The following GUCA1B variants were observed in gnomAD, a reference collection of about 807,000 sequenced individuals.
GUCA1B encodes guanylyl cyclase-activating protein 2.
GUCA1B carries 22 observed loss-of-function variants against 24.2 expected under a neutral mutation model. That is an observed-to-expected ratio of 0.91 (90% CI 0.65 to 1.30). The LOEUF is 1.30. Among genes scored for constraint, GUCA1B ranks in the 50% most tolerant of loss-of-function variants. GUCA1B has a pLI of 0.00. For missense variants in GUCA1B, 221 were observed against 258.8 expected, an observed-to-expected ratio of 0.85 and a Z score of 1.00; for synonymous variants, 100 against 97.9, an observed-to-expected ratio of 1.02 and a Z score of -0.13.
chr6:42,194,391 A>G (rs1188059934), intron 1 of GUCA1B, among the ~76,000 whole-genome samples: 1 of 152,152 alleles, frequency 6.6e-6, no homozygotes, highest in Non-Finnish European at 1.5e-5. Flanking sequence ...CAGCTAAGAG[A>G]TGGAGGGAGG....
chr6:42,185,933 T>C, intron 2 of GUCA1B, 136 bp from the exon 3 acceptor site: 1 of 711,510 alleles, frequency 1.4e-6, no homozygotes. Context: ...ATAATCTGGA[T>C]CCAGATCAAA....
At chr6:42,193,627 G>A (rs1233553873) in intron 1 of GUCA1B, among the ~76,000 whole-genome samples, 1 of 152,196 alleles carries the variant, frequency 6.6e-6, no homozygotes, top group Admixed American at 6.5e-5. Context: ...GGTGGTCGAT[G>A]GGGTTCATCT....
chr6:42,183,609 G>A lies in GUCA1B; in HGVS notation c.*1206C>T, dbSNP rs1264602033. 1.3e-5 allele frequency among the ~76,000 whole-genome samples: 2 copies of A among 152,180 alleles called. No homozygotes were observed. Among genetic ancestry groups the A allele is most frequent in the African/African-American group, 4.8e-5 (2 of 41,466 alleles). ...CCTAGTCCGACCTGCTCACTGTGCTGCCAAGACATAACCAAGGTTAGGGAG... is the reference window on the plus strand; with the variant it reads ...CCTAGTCCGACCTGCTCACTGTGCTACCAAGACATAACCAAGGTTAGGGAG... On this transcript the variant is annotated 3_prime_UTR_variant, in exon 4 of 4. Transcript: ENST00000230361.
chr6:42,187,953 C>G (rs768559968), intron 2 of GUCA1B, among the ~76,000 whole-genome samples: 2 of 152,006 alleles, frequency 1.3e-5, no homozygotes, highest in Non-Finnish European at 2.9e-5. Flanking sequence ...TCAAACAATC[C>G]TCCCACCTCA....
chr6:42,191,265 T>G (rs549271030), intron 1 of GUCA1B, among the ~76,000 whole-genome samples: 25 of 152,260 alleles, frequency 1.6e-4, no homozygotes, highest in Admixed American at 8.5e-4. Flanking sequence ...ACCCTCCCCT[T>G]TCTTCCATTC....
At chr6:42,193,382 T>A (rs76548529) in intron 1 of GUCA1B, among the ~76,000 whole-genome samples, 9 of 101,788 alleles carry the variant, frequency 8.8e-5, no homozygotes, top group Non-Finnish European at 1.2e-4. Context: ...TCTTACATTT[T>A]AAAAAAACAT....
chr6:42,188,380 G>T (rs1768234475), intron 2 of GUCA1B, among the ~76,000 whole-genome samples: 2 of 151,322 alleles, frequency 1.3e-5, no homozygotes, highest in Admixed American at 1.3e-4. Flanking sequence ...AAACAGATGG[G>T]GATTTTCTAA....
intron 1 of GUCA1B, among the ~76,000 whole-genome samples, chr6:42,192,932 T>C (rs1282315759): frequency 2.6e-5 from 4 of 152,098 alleles, no homozygotes; most frequent in African/African-American, 7.2e-5. Flanking sequence ...ACGGGCATGA[T>C]ATCTATAGCT....
Position 42,185,746 on chromosome 6 carries a change from C to T in GUCA1B, c.409G>A (p.Gly137Ser). 1 of 1,613,636 alleles carries T rather than the reference C, an allele frequency of 6.2e-7. No individual in the cohort carries two copies. Among genetic ancestry groups the T allele is most frequent in the Non-Finnish European group, 8.5e-7 (1 of 1,179,648 alleles). The change falls in exon 3 of 4, where the codon GGC becomes AGC. Residue 137 changes from glycine (G) to serine (S), a missense_variant. Transcript: ENST00000230361. ...ACRRELQTEQ[G>S]QLLTPEEVVD... ...ACCTCCTCGGGTGTGAGCAGCTGGC[C>T]TTGCTCAGTTTGTAGCTCTCGCCGG... is the stretch of plus-strand genomic sequence containing the variant.
chr6:42,188,546 T>G, intron 2 of GUCA1B, 36 bp downstream of exon 2: 1 of 1,609,922 alleles, frequency 6.2e-7, no homozygotes, highest in Non-Finnish European at 8.5e-7. Flanking sequence ...AGTGCTCTAG[T>G]GCCCAGGCTG....
At position 42,188,597 on chromosome 6, in the gene GUCA1B, T is replaced by C. The variant is rs781590373; in HGVS notation, c.342A>G (p.Leu114=). ...DGNGCIDRLE[L]LNIVEGIYQL... is the part of the protein sequence containing the mutation. The stretch of plus-strand genomic sequence containing the variant: ...AGACACTAACCTCCACAATGTTGAG[T>C]AGCTCCAGGCGGTCGATGCAGCCAT... Residue 114 remains leucine, a synonymous_variant, in exon 2 of 4, where the codon CTA becomes CTG. Coordinates refer to ENST00000230361, the MANE Select transcript of GUCA1B (RefSeq NM_002098.6). 15 of 1,613,962 alleles carry C rather than the reference T, an allele frequency of 9.3e-6. 1 individual carries two copies. The highest frequency in any genetic ancestry group is 3.3e-5 in the South Asian group (3 of 91,084).
At chr6:42,188,874 G>C (rs1396096343) in intron 1 of GUCA1B, 143 bp from the exon 2 acceptor site, 3 of 639,756 alleles carry the variant, frequency 4.7e-6, no homozygotes, top group Non-Finnish European at 8.0e-6. Flanking sequence ...TCCACCCTTG[G>C]GGTAGAGAAC....
At chr6:42,188,520 C>G (rs1333797461) in intron 2 of GUCA1B, 62 bp downstream of exon 2, 3 of 1,556,528 alleles carry the variant, frequency 1.9e-6, no homozygotes, top group East Asian at 4.5e-5. Flanking sequence ...TTGTGGCCAA[C>G]CTTCAGAGCT....
chr6:42,188,752 G>C, intron 1 of GUCA1B, 21 bp from the exon 2 acceptor site: 1 of 1,608,610 alleles, frequency 6.2e-7, no homozygotes, highest in Non-Finnish European at 8.5e-7. Context: ...TGTGGATGCT[G>C]CTGAGGGCAC....
At chr6:42,187,358 C>T (rs558745967) in intron 2 of GUCA1B, among the ~76,000 whole-genome samples, 1 of 151,918 alleles carries the variant, frequency 6.6e-6, no homozygotes, top group South Asian at 2.1e-4. Flanking sequence ...CCTGCCTCGG[C>T]CTCCCAAAGT....
intron 2 of GUCA1B, among the ~76,000 whole-genome samples, chr6:42,188,095 C>T (rs1309627611): frequency 1.3e-5 from 2 of 152,132 alleles, no homozygotes; most frequent in Non-Finnish European, 2.9e-5. Context: ...ATCCTCCCAC[C>T]TCAGCCTCCC....
chr6:42,186,812 G>A (rs1455842353), intron 2 of GUCA1B, among the ~76,000 whole-genome samples: 5 of 152,134 alleles, frequency 3.3e-5, no homozygotes, highest in African/African-American at 2.4e-5. Context: ...GCACTTCCTA[G>A]GTAGACTAAT....
chr6:42,192,353 CAAAAAAAAAAA>C (rs552941208), intron 1 of GUCA1B, among the ~76,000 whole-genome samples: 4 of 57,196 alleles, frequency 7.0e-5, no homozygotes, highest in East Asian at 7.4e-4. Context: ...GACTCCAACT[CAAAAAAAAAAA>C]AAAAAAAAAA....
At chr6:42,185,068 C>T (rs753614244) in intron 3 of GUCA1B, 126 bp from the exon 4 acceptor site, 8 of 842,588 alleles carry the variant, frequency 9.5e-6, no homozygotes, top group African/African-American at 3.3e-5. Flanking sequence ...CAGTCTCAGA[C>T]CTCAAGCTTG....
Sources: gnomAD v4.1 joint callset for allele counts (sites outside exome capture counted in the v4.1 genomes callset) on GRCh38, gnomAD v4.1.1 for gene constraint, MANE v1.5 for transcripts, NCBI Gene and HGNC (gene_info 2026-07-23, HGNC 2026-07-21) for gene names.